LPP: variants seen among roughly 807,000 people sequenced by gnomAD.
The protein encoded by LPP is LIM domain containing preferred translocation partner in lipoma, also known as lipoma-preferred partner.
A neutral mutation model predicts 60.4 loss-of-function variants in LPP; 38 were observed. That is an observed-to-expected ratio of 0.63 (90% CI 0.49 to 0.83). LPP has a LOEUF of 0.83. Among genes scored for constraint, LPP ranks in the 40% least tolerant of loss-of-function variants. The pLI, the probability that LPP is intolerant of heterozygous loss-of-function variation, is 0.00. For missense variants in LPP, 902 were observed against 783.6 expected (o/e 1.15, Z -1.80); for synonymous variants, 328 against 290.8 (o/e 1.13, Z -1.30).
chr3:188,258,032 T>G (rs1202846041), intron 2 of LPP, among the ~76,000 whole-genome samples: 2 of 152,214 alleles, frequency 1.3e-5, no homozygotes, highest in Non-Finnish European at 2.9e-5. Flanking sequence ...TAACAAGGTG[T>G]CCTTGATTTG....
chr3:188,695,652 C>A (rs535546079), intron 7 of LPP, among the ~76,000 whole-genome samples: 51 of 152,334 alleles, frequency 3.3e-4, no homozygotes, highest in African/African-American at 1.2e-3. Flanking sequence ...GAACAAAAAA[C>A]TTGTGAAATG....
intron 2 of LPP, among the ~76,000 whole-genome samples, chr3:188,248,638 G>GT (rs1363030348): frequency 1.3e-5 from 2 of 151,230 alleles, no homozygotes; most frequent in African/African-American, 4.9e-5. Flanking sequence ...TTATATCTTT[G>GT]TTTTTTCCCT....
At chr3:188,855,195 A>G (rs889166853) in intron 9 of LPP, among the ~76,000 whole-genome samples, 1 of 152,210 alleles carries the variant, frequency 6.6e-6, no homozygotes, top group Non-Finnish European at 1.5e-5. Flanking sequence ...TCTTTAAAAG[A>G]TATATTCTTG....
intron 1 of LPP, among the ~76,000 whole-genome samples, chr3:188,214,165 C>T (rs933360884): frequency 3.3e-5 from 5 of 151,852 alleles, no homozygotes; most frequent in Middle Eastern, 3.4e-3. Flanking sequence ...CTTGCTCTAT[C>T]GCCCAGGCTG....
chr3:188,206,162 G>A (rs150240165), intron 1 of LPP, among the ~76,000 whole-genome samples: 23 of 152,116 alleles, frequency 1.5e-4, no homozygotes, highest in Non-Finnish European at 2.5e-4. Context: ...TCAAATCCCC[G>A]TCTCAGTGGG....
At chr3:188,292,053 C>T (rs1215554725) in intron 2 of LPP, among the ~76,000 whole-genome samples, 2 of 152,184 alleles carry the variant, frequency 1.3e-5, no homozygotes, top group East Asian at 1.9e-4. Context: ...TCTTGTTTCT[C>T]CCCAAGTTTA....
chr3:188,736,313 A>G (rs954789884), intron 8 of LPP, among the ~76,000 whole-genome samples: 3 of 152,206 alleles, frequency 2.0e-5, no homozygotes, highest in African/African-American at 7.2e-5. Flanking sequence ...AATGACTATG[A>G]TAAGCAAAGG....
rs1180662482 is a variant in LPP, at chr3:188,505,424, A to AGATG, written c.307-19240_307-19237dup. Among the ~76,000 whole-genome samples the AGATG allele has an allele frequency of 7.2e-5, 11 of 152,244 alleles. No homozygotes were observed. In the East Asian group the frequency reaches 1.9e-3, roughly 27 times the overall value. Reference sequence around the variant, plus strand: ...CTTTGACCTTCCGTTTTCTCTCAGTAGATGTCACTACTCTAATAAGATCAA... The same window carrying AGATG: ...CTTTGACCTTCCGTTTTCTCTCAGTAGATGGATGTCACTACTCTAATAAGATCAA... On this transcript the variant is annotated intron_variant, in intron 5 of 11. Transcript: ENST00000617246.
chr3:188,467,697 T>C (rs1033956663), intron 4 of LPP, among the ~76,000 whole-genome samples: 4 of 152,030 alleles, frequency 2.6e-5, no homozygotes, highest in Admixed American at 6.6e-5. Context: ...TTTGAAGTGA[T>C]GTGATGTGAG....
chr3:188,318,333 T>C (rs1755716702), intron 2 of LPP, among the ~76,000 whole-genome samples: 1 of 151,830 alleles, frequency 6.6e-6, no homozygotes. Flanking sequence ...CTGAAAAGTG[T>C]TGGGCTCCAT....
chr3:188,592,562 T>TTTTTTTTTTTTTTTTTTTTTG (rs1560607436), intron 6 of LPP, among the ~76,000 whole-genome samples: 5 of 53,734 alleles, frequency 9.3e-5, no homozygotes, highest in African/African-American at 1.8e-4. Context: ...TTTTTGTTTT[T>TTTTTTTTTTTTTTTTTTTTTG]TAAATGGAGT....
chr3:188,543,793 G>A (rs948189757), intron 6 of LPP, among the ~76,000 whole-genome samples: 4 of 152,140 alleles, frequency 2.6e-5, no homozygotes, highest in Non-Finnish European at 5.9e-5. Flanking sequence ...ACTAGGATTA[G>A]CCCACACTAA....
chr3:188,874,304 C>G, intron 11 of LPP, 47 bp from the exon 12 acceptor site: 1 of 1,580,482 alleles, frequency 6.3e-7, no homozygotes. Context: ...CACATGTGTA[C>G]TTAACGTTTT....
intron 4 of LPP, among the ~76,000 whole-genome samples, chr3:188,421,645 T>A (rs926230233): frequency 3.9e-5 from 6 of 152,178 alleles, no homozygotes; most frequent in Admixed American, 3.9e-4. Context: ...AGAAATCCCC[T>A]TTTGTTTTTC....
At chr3:188,495,163 T>G (rs1384455478) in intron 5 of LPP, among the ~76,000 whole-genome samples, 1 of 94,514 alleles carries the variant, frequency 1.1e-5, no homozygotes, top group Non-Finnish European at 2.0e-5. Flanking sequence ...TATATTTATT[T>G]ATATATATTT....
intron 9 of LPP, among the ~76,000 whole-genome samples, chr3:188,805,781 GT>G (rs963551709): frequency 6.7e-6 from 1 of 150,300 alleles, no homozygotes; most frequent in Non-Finnish European, 1.5e-5. Context: ...GATATATTGT[GT>G]TTTCATTTTC....
chr3:188,762,624 C>A (rs1732758952), intron 9 of LPP, among the ~76,000 whole-genome samples: 1 of 152,108 alleles, frequency 6.6e-6, no homozygotes, highest in African/African-American at 2.4e-5. Context: ...TAGTATGGGT[C>A]TCTGTGATTC....
chr3:188,277,685 G>A (rs943699202), intron 2 of LPP, among the ~76,000 whole-genome samples: 1 of 152,138 alleles, frequency 6.6e-6, no homozygotes, highest in African/African-American at 2.4e-5. Flanking sequence ...GTGGTCGAGG[G>A]TGCATTTCCC....
At chr3:188,643,850 C>G (rs763930875) in intron 7 of LPP, among the ~76,000 whole-genome samples, 4 of 152,040 alleles carry the variant, frequency 2.6e-5, no homozygotes, top group African/African-American at 9.7e-5. Context: ...CCAGTGGTAA[C>G]CCAAATAGCT....
Sources: gnomAD v4.1 joint callset for allele counts (sites outside exome capture counted in the v4.1 genomes callset) on GRCh38, gnomAD v4.1.1 for gene constraint, MANE v1.5 for transcripts, NCBI Gene and HGNC (gene_info 2026-07-23, HGNC 2026-07-21) for gene names.